RBFOX1: variants seen among roughly 807,000 people sequenced by gnomAD.
The protein encoded by RBFOX1 is RNA binding protein fox-1 homolog 1.
In RBFOX1, 8 loss-of-function variants were observed where a neutral mutation model predicts 57.7. The observed-to-expected ratio is 0.14, with a 90% confidence interval of 0.08 to 0.25. The LOEUF (loss-of-function observed/expected upper bound fraction) is 0.25. Among genes scored for constraint, RBFOX1 ranks in the 10% least tolerant of loss-of-function variants. The probability of loss-of-function intolerance (pLI) is 1.00; values close to 1 mark genes in which losing one functional copy is unlikely to be tolerated. For missense variants in RBFOX1, 611 were observed against 548.5 expected (o/e 1.11, Z -1.14); for synonymous variants, 326 against 222.4 (o/e 1.47, Z -4.15).
At chr16:5,846,532 T>A (rs2056762335) in intron 3 of RBFOX1, among the ~76,000 whole-genome samples, 1 of 152,156 alleles carries the variant, frequency 6.6e-6, no homozygotes, top group Non-Finnish European at 1.5e-5. Context: ...ACTGGGTAGA[T>A]GGAGGAATGG....
chr16:7,559,627 A>C (rs1020702125), intron 5 of RBFOX1, among the ~76,000 whole-genome samples: 2 of 152,200 alleles, frequency 1.3e-5, no homozygotes, highest in Admixed American at 6.5e-5. Context: ...CTAAACAGTG[A>C]TTGTGCTTTC....
At chr16:5,836,245 C>G (rs1195142269) in intron 3 of RBFOX1, among the ~76,000 whole-genome samples, 3 of 152,134 alleles carry the variant, frequency 2.0e-5, no homozygotes, top group Non-Finnish European at 4.4e-5. Context: ...GGAGAGAAAC[C>G]TAAAGGCTTG....
intron 1 of RBFOX1, among the ~76,000 whole-genome samples, chr16:5,257,812 G>A (rs1240544253): frequency 2.0e-5 from 3 of 152,060 alleles, no homozygotes; most frequent in Admixed American, 6.6e-5. Context: ...GCACCAAGCC[G>A]GGAGACGGTC....
intron 4 of RBFOX1, among the ~76,000 whole-genome samples, chr16:7,107,024 A>G (rs1165940139): frequency 3.6e-5 from 5 of 139,722 alleles, no homozygotes; most frequent in Admixed American, 1.5e-4. Context: ...GAACAAATGC[A>G]TAATTGCAGC....
intron 2 of RBFOX1, among the ~76,000 whole-genome samples, chr16:6,465,755 T>C (rs1481727292): frequency 6.6e-6 from 1 of 152,088 alleles, no homozygotes; most frequent in African/African-American, 2.4e-5. Flanking sequence ...AGAGACCATG[T>C]GGTCCAAAAT....
intron 2 of RBFOX1, among the ~76,000 whole-genome samples, chr16:6,623,778 C>T (rs2098268043): frequency 1.3e-5 from 2 of 152,168 alleles, no homozygotes; most frequent in African/African-American, 2.4e-5. Flanking sequence ...ATGAACTCAT[C>T]CTTTTTTATG....
chr16:6,594,601 T>G (rs1479435950), intron 2 of RBFOX1, among the ~76,000 whole-genome samples: 1 of 152,136 alleles, frequency 6.6e-6, no homozygotes, highest in Admixed American at 6.5e-5. Context: ...GGGCAACTAG[T>G]TTATTATTTA....
intron 1 of RBFOX1, among the ~76,000 whole-genome samples, chr16:5,369,487 G>A (rs761757695): frequency 6.6e-6 from 1 of 152,172 alleles, no homozygotes; most frequent in African/African-American, 2.4e-5. Flanking sequence ...ATGCTTTCAG[G>A]CATCACCTCA....
intron 2 of RBFOX1, among the ~76,000 whole-genome samples, chr16:6,547,980 A>G (rs138318842): frequency 6.8e-4 from 103 of 152,326 alleles, no homozygotes; most frequent in African/African-American, 2.2e-3. Context: ...CAATGGATGT[A>G]CACTGAAAGT....
At chr16:5,343,972 A>G (rs937145589) in intron 1 of RBFOX1, among the ~76,000 whole-genome samples, 1 of 152,166 alleles carries the variant, frequency 6.6e-6, no homozygotes, top group African/African-American at 2.4e-5. Context: ...TATGTAACCA[A>G]GAGACTAGAC....
chr16:5,939,234 T>G (rs1412492653), intron 4 of RBFOX1, among the ~76,000 whole-genome samples: 1 of 152,174 alleles, frequency 6.6e-6, no homozygotes, highest in Non-Finnish European at 1.5e-5. Context: ...GAACTTAAAG[T>G]ATAATAAAAA....
intron 2 of RBFOX1, among the ~76,000 whole-genome samples, chr16:5,572,798 C>T (rs780020648): frequency 8.3e-4 from 126 of 152,020 alleles, no homozygotes; most frequent in Non-Finnish European, 1.5e-3. Context: ...TTAGGGCAAT[C>T]GGGATGGGGC....
At chr16:5,322,530 C>G (rs1411412431) in intron 1 of RBFOX1, among the ~76,000 whole-genome samples, 3 of 152,102 alleles carry the variant, frequency 2.0e-5, no homozygotes, top group African/African-American at 7.2e-5. Flanking sequence ...TTCTTTAATC[C>G]TCCGGCAAGA....
At chr16:5,310,849 T>A (rs2064068278) in intron 1 of RBFOX1, among the ~76,000 whole-genome samples, 1 of 152,246 alleles carries the variant, frequency 6.6e-6, no homozygotes, top group South Asian at 2.1e-4. Context: ...TTAAAATTTT[T>A]AAAAATTTCA....
At chr16:5,550,895 T>C (rs1222017554) in intron 2 of RBFOX1, among the ~76,000 whole-genome samples, 1 of 152,180 alleles carries the variant, frequency 6.6e-6, no homozygotes, top group Non-Finnish European at 1.5e-5. Flanking sequence ...GACTGATCTT[T>C]AAAGAAAATG....
chr16:6,864,640 T>C (rs1170597778), intron 3 of RBFOX1, among the ~76,000 whole-genome samples: 3 of 151,878 alleles, frequency 2.0e-5, no homozygotes, highest in African/African-American at 4.8e-5. Flanking sequence ...CTGATTCAAA[T>C]GTTTTATTTG....
chr16:5,523,725 A>T (rs112315790), intron 2 of RBFOX1, among the ~76,000 whole-genome samples: 6,702 of 152,310 alleles, frequency 0.044, 505 homozygotes, highest in African/African-American at 0.15. Context: ...ATCAAGTGGT[A>T]GTTCTGTCTT....
chr16:7,552,310 C>G lies in RBFOX1; in HGVS notation c.271-27467C>G, dbSNP rs141206293. On this transcript the variant is annotated intron_variant, in intron 5 of 15. Transcript: ENST00000550418. Reference sequence around the variant, plus strand: ...AGCAGCTATAGTTTCTTATGTAATCCATAGACTCCATCAATTTCTTTTATA... The same window carrying G: ...AGCAGCTATAGTTTCTTATGTAATCGATAGACTCCATCAATTTCTTTTATA... Among the ~76,000 whole-genome samples the G allele has an allele frequency of 5.7e-3, 861 of 152,226 alleles. 6 individuals carry two copies. Among genetic ancestry groups the G allele is most frequent in the Middle Eastern group, 0.02 (6 of 294 alleles).
intron 4 of RBFOX1, among the ~76,000 whole-genome samples, chr16:7,106,271 G>A (rs561476054): frequency 3.9e-4 from 59 of 152,304 alleles, no homozygotes; most frequent in African/African-American, 1.1e-3. Context: ...AAACACATAC[G>A]TGAGTTTCCA....
Sources: allele counts gnomAD v4.1 joint callset (sites outside exome capture counted in the v4.1 genomes callset), GRCh38; gene constraint gnomAD v4.1.1; transcripts MANE v1.5; gene names NCBI Gene and HGNC (gene_info 2026-07-23, HGNC 2026-07-21).